RMDN2: variants seen among roughly 807,000 people sequenced by gnomAD.
RMDN2 encodes the protein regulator of microtubule dynamics 2.
Under a neutral mutation model 52.8 loss-of-function variants are expected in RMDN2, and 61 were observed. That is an observed-to-expected ratio of 1.16 (90% CI 0.94 to 1.43). The LOEUF (loss-of-function observed/expected upper bound fraction) is 1.43. Among genes scored for constraint, RMDN2 ranks in the 40% most tolerant of loss-of-function variants. The probability of loss-of-function intolerance (pLI) is 0.00; values close to 1 mark genes in which losing one functional copy is unlikely to be tolerated. For missense variants in RMDN2, 592 were observed against 475.3 expected (o/e 1.25, Z -2.28); for synonymous variants, 180 against 153.1 (o/e 1.18, Z -1.30).
intron 6 of RMDN2, among the ~76,000 whole-genome samples, chr2:37,991,008 T>C (rs1674716558): frequency 6.6e-6 from 1 of 152,230 alleles, no homozygotes; most frequent in African/African-American, 2.4e-5. Flanking sequence ...TACACATAGC[T>C]TTATTAAATC....
At chr2:37,924,745 G>A (rs35505978), upstream of RMDN2, among the ~76,000 whole-genome samples, 32,141 of 152,194 alleles carry the variant, frequency 0.21, 4,411 homozygotes, top group Non-Finnish European at 0.32. Flanking sequence ...TAAATGTCAG[G>A]CATCTGAAAA....
intron 6 of RMDN2, among the ~76,000 whole-genome samples, chr2:37,990,066 C>G (rs1446061295): frequency 6.7e-6 from 1 of 149,140 alleles, no homozygotes; most frequent in Non-Finnish European, 1.5e-5. Context: ...TGGCATGAAC[C>G]TGGGGGGCGG....
intron 10 of RMDN2, among the ~76,000 whole-genome samples, chr2:38,062,946 C>G (rs1321002635): frequency 1.3e-5 from 2 of 152,046 alleles, no homozygotes; most frequent in Admixed American, 6.6e-5. Flanking sequence ...AGGACATGAA[C>G]TCATCATTTT....
chr2:37,963,761 C>T (rs1019992476), intron 2 of RMDN2, among the ~76,000 whole-genome samples: 5 of 152,328 alleles, frequency 3.3e-5, no homozygotes, highest in African/African-American at 4.8e-5. Context: ...ATCTTTTCCC[C>T]ACATTTCCCC....
At chr2:38,010,235 T>A (rs1209491389) in intron 10 of RMDN2, among the ~76,000 whole-genome samples, 1 of 152,202 alleles carries the variant, frequency 6.6e-6, no homozygotes, top group Non-Finnish European at 1.5e-5. Flanking sequence ...CTCTCTTCAG[T>A]GCTGTCAGAC....
intron 10 of RMDN2, among the ~76,000 whole-genome samples, chr2:38,042,545 C>T (rs1220066685): frequency 3.3e-5 from 5 of 151,354 alleles, no homozygotes; most frequent in South Asian, 2.1e-4. Context: ...TGCTTTCTTC[C>T]GGCTTATATT....
chr2:37,941,394 G>T (rs905108476), intron 2 of RMDN2, among the ~76,000 whole-genome samples: 2 of 152,256 alleles, frequency 1.3e-5, no homozygotes, highest in Admixed American at 1.3e-4. Context: ...TGAGGAGGCA[G>T]TCTGTCCCTT....
At chr2:38,035,807 T>A (rs528588962) in intron 10 of RMDN2, 11 of 152,282 alleles carry the variant, frequency 7.2e-5, no homozygotes, top group African/African-American at 2.6e-4. Context: ...AGCACCATGA[T>A]GTCCACAAAT....
intron 8 of RMDN2, among the ~76,000 whole-genome samples, chr2:37,999,038 G>A (rs965162394): frequency 6.6e-5 from 10 of 152,252 alleles, no homozygotes; most frequent in African/African-American, 2.4e-4. Context: ...AATGTTATCT[G>A]TACTCAAAAC....
At chr2:37,986,983 A>G (rs1674107055) in intron 5 of RMDN2, among the ~76,000 whole-genome samples, 1 of 152,096 alleles carries the variant, frequency 6.6e-6, no homozygotes, top group Admixed American at 6.5e-5. Context: ...AGCTAATGCC[A>G]TATAACAAGA....
intron 4 of RMDN2, 145 bp from the exon 5 acceptor site, chr2:37,981,138 G>A: frequency 1.5e-6 from 1 of 655,210 alleles, no homozygotes; most frequent in Admixed American, 2.6e-5. Context: ...CTCCAATGTG[G>A]CTGAAAAGTT....
chr2:37,930,117 A>G (rs888292865), intron 2 of RMDN2, among the ~76,000 whole-genome samples: 29 of 152,332 alleles, frequency 1.9e-4, no homozygotes, highest in African/African-American at 6.0e-4. Context: ...GTGCTGCCCA[A>G]TGTGGTAGCC....
upstream of RMDN2, among the ~76,000 whole-genome samples, chr2:37,921,336 T>A (rs1558424279): frequency 1.3e-5 from 2 of 152,216 alleles, no homozygotes; most frequent in African/African-American, 4.8e-5. Flanking sequence ...TTTCAGAAAT[T>A]TTTTTTGTAA....
At chr2:37,990,574 TA>T (rs1338486940) in intron 6 of RMDN2, among the ~76,000 whole-genome samples, 2 of 146,126 alleles carry the variant, frequency 1.4e-5, no homozygotes, top group African/African-American at 5.2e-5. Context: ...AATAACATCT[TA>T]AGTGTGACCA....
intron 2 of RMDN2, among the ~76,000 whole-genome samples, chr2:37,962,542 C>G (rs1423569134): frequency 6.6e-6 from 1 of 152,164 alleles, no homozygotes; most frequent in Admixed American, 6.5e-5. Flanking sequence ...GCCCCTCCCC[C>G]ACCAAGCTCA....
At chr2:38,046,905 C>G (rs886283496) in intron 10 of RMDN2, among the ~76,000 whole-genome samples, 1 of 150,944 alleles carries the variant, frequency 6.6e-6, no homozygotes, top group Admixed American at 6.6e-5. Flanking sequence ...ATCGCTTGAA[C>G]CCAGGAGGCG....
At chr2:38,005,272 G>A (rs1348103613) in intron 10 of RMDN2, among the ~76,000 whole-genome samples, 2 of 152,162 alleles carry the variant, frequency 1.3e-5, no homozygotes, top group African/African-American at 2.4e-5. Context: ...CTGAGGAATC[G>A]CCACACTGAC....
At chr2:37,941,199 G>T (rs1204715158) in intron 2 of RMDN2, among the ~76,000 whole-genome samples, 1 of 152,216 alleles carries the variant, frequency 6.6e-6, no homozygotes, top group Non-Finnish European at 1.5e-5. Context: ...TGTAGACCCT[G>T]TTTGCCTGGG....
At chr2:37,928,881 T>C (rs540183952) in intron 1 of RMDN2, 171 of 153,504 alleles carry the variant, frequency 1.1e-3, no homozygotes, top group Non-Finnish European at 1.8e-3. Flanking sequence ...CTTCTATTTG[T>C]TTTCTATTTG....
Sources: gnomAD v4.1 joint callset for allele counts (sites outside exome capture counted in the v4.1 genomes callset) on GRCh38, gnomAD v4.1.1 for gene constraint, MANE v1.5 for transcripts, NCBI Gene and HGNC (gene_info 2026-07-23, HGNC 2026-07-21) for gene names.